PDE4B: variants seen among roughly 807,000 people sequenced by gnomAD.
PDE4B encodes the protein 3',5'-cyclic-AMP phosphodiesterase 4B.
Under a neutral mutation model 82.2 loss-of-function variants are expected in PDE4B, and 20 were observed. The ratio of observed to expected loss-of-function variants is 0.24; its 90% CI spans 0.17 to 0.35. The LOEUF (loss-of-function observed/expected upper bound fraction) is 0.35, where lower values mean the gene tolerates loss of function less well. Ranked by LOEUF, PDE4B falls within the 10% of genes least tolerant of loss-of-function variation. The pLI is 1.00. For missense variants in PDE4B, 655 were observed against 907.2 expected, an observed-to-expected ratio of 0.72 and a Z score of 3.57; for synonymous variants, 320 against 318.9, an observed-to-expected ratio of 1.00 and a Z score of -0.04.
intron 3 of PDE4B, among the ~76,000 whole-genome samples, chr1:66,035,755 A>T (rs1014056481): frequency 6.6e-6 from 1 of 152,320 alleles, no homozygotes; most frequent in East Asian, 1.9e-4. Context: ...GTTTATAGAC[A>T]AAAGTTATTT....
intron 1 of PDE4B, among the ~76,000 whole-genome samples, chr1:65,892,676 T>C (rs1646865412): frequency 6.6e-6 from 1 of 152,004 alleles, no homozygotes; most frequent in Admixed American, 6.6e-5. Context: ...TCAGTTATCC[T>C]TTTACCATCA....
chr1:66,269,459 A>G (rs1309551327), intron 7 of PDE4B, among the ~76,000 whole-genome samples: 2 of 152,228 alleles, frequency 1.3e-5, no homozygotes, highest in Non-Finnish European at 2.9e-5. Context: ...GCCTTTCACA[A>G]GCATAAATTC....
chr1:65,948,521 TTCTG>T (rs1648829328), intron 3 of PDE4B, among the ~76,000 whole-genome samples: 1 of 151,878 alleles, frequency 6.6e-6, no homozygotes, highest in Admixed American at 6.6e-5. Flanking sequence ...TTTCACGTTT[TTCTG>T]TCTGTTTTAT....
In PDE4B at chr1:65,968,400, C is replaced by A. The variant is rs372256688; in HGVS notation, c.281+49565C>A. ...ATGTCAGGCATTGTGCTATGTCATG[C>A]AGAACAGGCCTGTAAACAAGGCACA... is the stretch of plus-strand genomic sequence containing the variant. On this transcript the variant is annotated intron_variant, in intron 3 of 16. Transcript: ENST00000341517. 7.9e-5 allele frequency among the ~76,000 whole-genome samples: 12 copies of A among 152,210 alleles called. No individual in the cohort carries two copies. The East Asian group carries it at 2.3e-3, about 29-fold the overall frequency.
intron 1 of PDE4B, among the ~76,000 whole-genome samples, chr1:65,844,561 CA>C (rs546380137): frequency 2.0e-4 from 30 of 151,154 alleles, no homozygotes; most frequent in Non-Finnish European, 3.7e-4. Context: ...ATTTGAAATT[CA>C]AAAAAAAGTA....
At chr1:66,180,836 A>AGAGAAT (rs1343613525) in intron 3 of PDE4B, among the ~76,000 whole-genome samples, 1 of 152,152 alleles carries the variant, frequency 6.6e-6, no homozygotes, top group Non-Finnish European at 1.5e-5. Context: ...AGAGAGAGAG[A>AGAGAAT]GAGAATGTGT....
chr1:66,129,707 A>C (rs532990563), intron 3 of PDE4B, among the ~76,000 whole-genome samples: 2 of 151,568 alleles, frequency 1.3e-5, no homozygotes, highest in South Asian at 2.1e-4. Context: ...CAAAAAAAAA[A>C]ACCTCTCTGT....
intron 3 of PDE4B, among the ~76,000 whole-genome samples, chr1:66,201,232 G>T (rs1194785793): frequency 6.6e-6 from 1 of 152,164 alleles, no homozygotes; most frequent in East Asian, 1.9e-4. Flanking sequence ...TTGATGTGTT[G>T]CTGGATTCGG....
chr1:65,818,456 A>G (rs1004175529), intron 1 of PDE4B, among the ~76,000 whole-genome samples: 5 of 151,664 alleles, frequency 3.3e-5, no homozygotes, highest in African/African-American at 1.2e-4. Flanking sequence ...TTTTCCTTTA[A>G]TGGGCTCCCT....
At chr1:66,125,143 T>C (rs546711477) in intron 3 of PDE4B, among the ~76,000 whole-genome samples, 50 of 149,130 alleles carry the variant, frequency 3.4e-4, no homozygotes, top group African/African-American at 8.2e-4. Flanking sequence ...CATTTTGCAA[T>C]TCATGATGGC....
At chr1:66,032,112 T>C (rs1653810413) in intron 3 of PDE4B, among the ~76,000 whole-genome samples, 1 of 152,228 alleles carries the variant, frequency 6.6e-6, no homozygotes, top group Non-Finnish European at 1.5e-5. Flanking sequence ...GCTGAACTTC[T>C]CTAATATCAG....
intron 8 of PDE4B, chr1:66,355,125 CT>C (rs1357967234): frequency 1.0e-4 from 42 of 415,082 alleles, no homozygotes; most frequent in South Asian, 3.1e-4. Flanking sequence ...AAAGATGCTT[CT>C]TTTTTTTTCT....
intron 1 of PDE4B, among the ~76,000 whole-genome samples, chr1:65,852,705 G>T (rs1302026264): frequency 6.6e-6 from 1 of 151,834 alleles, no homozygotes; most frequent in African/African-American, 2.4e-5. Context: ...ATTTCCATGT[G>T]ATTTTTTTCT....
chr1:65,990,476 A>G (rs1309642470), intron 3 of PDE4B, among the ~76,000 whole-genome samples: 2 of 152,142 alleles, frequency 1.3e-5, no homozygotes, highest in Non-Finnish European at 2.9e-5. Context: ...ACATATTTTC[A>G]TGTCCCAGTT....
At chr1:65,850,567 A>G (rs1571014489) in intron 1 of PDE4B, among the ~76,000 whole-genome samples, 1 of 152,222 alleles carries the variant, frequency 6.6e-6, no homozygotes, top group East Asian at 1.9e-4. Flanking sequence ...GTATCTTTTT[A>G]TGAGAAGTTT....
chr1:66,073,425 A>G (rs1656262087), intron 3 of PDE4B, among the ~76,000 whole-genome samples: 1 of 152,142 alleles, frequency 6.6e-6, no homozygotes, highest in African/African-American at 2.4e-5. Flanking sequence ...GAAAGTCTCA[A>G]TAATATGTCA....
intron 3 of PDE4B, among the ~76,000 whole-genome samples, chr1:66,132,991 G>A (rs1230472839): frequency 6.6e-6 from 1 of 152,138 alleles, no homozygotes; most frequent in African/African-American, 2.4e-5. Flanking sequence ...CTTCTGAGGT[G>A]GCAGTGAGAT....
chr1:66,097,181 T>G (rs2101009857), intron 3 of PDE4B, among the ~76,000 whole-genome samples: 1 of 152,168 alleles, frequency 6.6e-6, no homozygotes, highest in Non-Finnish European at 1.5e-5. Flanking sequence ...TGCCAAACTG[T>G]TTTCCAAAGT....
At chr1:66,073,174 G>T (rs1229286747) in intron 3 of PDE4B, among the ~76,000 whole-genome samples, 1 of 152,040 alleles carries the variant, frequency 6.6e-6, no homozygotes, top group African/African-American at 2.4e-5. Flanking sequence ...CTGTGAATTG[G>T]TGCGCCCAAC....
Sources: gnomAD v4.1 joint callset for allele counts (sites outside exome capture counted in the v4.1 genomes callset) on GRCh38, gnomAD v4.1.1 for gene constraint, MANE v1.5 for transcripts, NCBI Gene and HGNC (gene_info 2026-07-23, HGNC 2026-07-21) for gene names.